ZFHX3: variants seen among roughly 807,000 people sequenced by gnomAD.
ZFHX3 encodes the protein zinc finger homeobox 3.
ZFHX3 carries 42 observed loss-of-function variants against 279.1 expected under a neutral mutation model. The ratio of observed to expected loss-of-function variants is 0.15; its 90% CI spans 0.12 to 0.19. The LOEUF (loss-of-function observed/expected upper bound fraction) is 0.19, where lower values mean the gene tolerates loss of function less well. Ranked by LOEUF, ZFHX3 falls within the 10% of genes least tolerant of loss-of-function variation. ZFHX3 has a pLI of 1.00. For missense variants in ZFHX3, 4,981 were observed against 4,754.0 expected, an observed-to-expected ratio of 1.05 and a Z score of -1.40; for synonymous variants, 2,293 against 1,957.8, an observed-to-expected ratio of 1.17 and a Z score of -4.52.
chr16:72,939,505 C>A (rs1032683093), intron 3 of ZFHX3, among the ~76,000 whole-genome samples: 2 of 152,254 alleles, frequency 1.3e-5, no homozygotes, highest in African/African-American at 2.4e-5. Context: ...TGCAGGACCA[C>A]TGCAGTGACA....
At chr16:72,874,872 T>C (rs933994780) in intron 4 of ZFHX3, among the ~76,000 whole-genome samples, 2 of 152,162 alleles carry the variant, frequency 1.3e-5, no homozygotes, top group Admixed American at 1.3e-4. Context: ...ATAACCTTTT[T>C]TTCCCCCACC....
chr16:73,235,799 C>T (rs377494294), intron 5 of ZFHX3, among the ~76,000 whole-genome samples: 17 of 151,862 alleles, frequency 1.1e-4, no homozygotes, highest in East Asian at 7.8e-4. Flanking sequence ...GCCTCCAGAG[C>T]GGCTGGGACT....
At chr16:73,535,415 T>A (rs2019882140) in intron 2 of ZFHX3, among the ~76,000 whole-genome samples, 1 of 152,198 alleles carries the variant, frequency 6.6e-6, no homozygotes, top group Admixed American at 6.5e-5. Context: ...GCACCACTGG[T>A]GAGATCTGAG....
chr16:73,186,172 T>A (rs998425547), intron 5 of ZFHX3, among the ~76,000 whole-genome samples: 27 of 152,252 alleles, frequency 1.8e-4, no homozygotes, highest in African/African-American at 6.0e-4. Flanking sequence ...ATTCATTATA[T>A]GTTACAATGT....
At chr16:72,882,981 T>TGG (rs2038525772) in intron 4 of ZFHX3, among the ~76,000 whole-genome samples, 2 of 17,676 alleles carry the variant, frequency 1.1e-4, no homozygotes, top group African/African-American at 1.8e-4. Context: ...CTCTGGGGTG[T>TGG]GTGTGTGTGT....
At chr16:73,170,257 G>A (rs981081084) in intron 5 of ZFHX3, among the ~76,000 whole-genome samples, 7 of 50,566 alleles carry the variant, frequency 1.4e-4, no homozygotes, top group African/African-American at 2.4e-4. Context: ...TTGAGACATA[G>A]CTCCACTTTG....
chr16:73,237,670 C>T (rs538119387), intron 5 of ZFHX3, among the ~76,000 whole-genome samples: 68 of 152,106 alleles, frequency 4.5e-4, no homozygotes, highest in African/African-American at 1.6e-3. Context: ...CTATGCCCAC[C>T]CGCTTCCTTG....
At chr16:73,501,620 A>T (rs2019239985) in intron 2 of ZFHX3, among the ~76,000 whole-genome samples, 2 of 152,236 alleles carry the variant, frequency 1.3e-5, no homozygotes, top group African/African-American at 4.8e-5. Flanking sequence ...CTTTCGAAGG[A>T]TCCATTACAC....
At chr16:73,457,592 G>A (rs1392870896) in intron 2 of ZFHX3, among the ~76,000 whole-genome samples, 1 of 152,112 alleles carries the variant, frequency 6.6e-6, no homozygotes, top group Non-Finnish European at 1.5e-5. Flanking sequence ...GACCAACATG[G>A]TGAAACTCTG....
chr16:73,338,100 G>C (rs963993696), intron 3 of ZFHX3, among the ~76,000 whole-genome samples: 1 of 152,142 alleles, frequency 6.6e-6, no homozygotes, highest in Admixed American at 6.5e-5. Flanking sequence ...AAACTAATTT[G>C]TTTCCTAATC....
intron 1 of ZFHX3, among the ~76,000 whole-genome samples, chr16:73,871,774 AGTT>A (rs1180484939): frequency 1.3e-5 from 2 of 152,192 alleles, no homozygotes; most frequent in Non-Finnish European, 2.9e-5. Flanking sequence ...CTCTGGTGGT[AGTT>A]GTTTCATAGT....
At chr16:73,843,876 T>C (rs554460848) in intron 1 of ZFHX3, among the ~76,000 whole-genome samples, 5 of 152,386 alleles carry the variant, frequency 3.3e-5, no homozygotes, top group African/African-American at 1.2e-4. Flanking sequence ...GGCGTGGCTG[T>C]GTTTCAATAA....
At chr16:72,815,859 C>T (rs1026436765) in intron 5 of ZFHX3, among the ~76,000 whole-genome samples, 4 of 152,180 alleles carry the variant, frequency 2.6e-5, no homozygotes, top group Non-Finnish European at 5.9e-5. Flanking sequence ...GTTAGTAACT[C>T]TAGTGGTTTG....
chr16:73,051,369 G>A (rs191007981), upstream of ZFHX3, among the ~76,000 whole-genome samples: 1 of 152,302 alleles, frequency 6.6e-6, no homozygotes, highest in Admixed American at 6.5e-5. Flanking sequence ...TAGGGGCCTG[G>A]TACCCGCTGG....
intron 4 of ZFHX3, among the ~76,000 whole-genome samples, chr16:73,306,439 C>T (rs1040754727): frequency 6.6e-6 from 1 of 152,182 alleles, no homozygotes; most frequent in Non-Finnish European, 1.5e-5. Flanking sequence ...CCTGCCTCAG[C>T]CTCCCATGTA....
intron 7 of ZFHX3, chr16:73,127,394 T>C (rs1374289824): frequency 2.3e-6 from 3 of 1,305,294 alleles, no homozygotes; most frequent in Non-Finnish European, 3.0e-6. Context: ...CTAAATATTT[T>C]TGGGGCCAGA....
chr16:72,788,325 A>C lies in ZFHX3; in HGVS notation c.9951T>G (p.Pro3317=). ...CGCCAGGGATCTGGGGAGCATAATA[A>C]GGAGAAAAGCCTGGTACAAAGTAAG... is the stretch of plus-strand genomic sequence containing the variant. The part of the protein sequence containing the change: ...FLPYFVPGFS[P]YYAPQIPGAL... The change falls in exon 10 of 10, where the codon CCT becomes CCG. Residue 3317 remains proline, a synonymous_variant. Transcript: ENST00000268489. 1 of 1,614,114 alleles carries C rather than the reference A, an allele frequency of 6.2e-7. No individual in the cohort carries two copies. Among genetic ancestry groups the C allele is most frequent in the Non-Finnish European group, 8.5e-7 (1 of 1,179,962 alleles).
At chr16:73,535,284 T>C (rs976751218) in intron 2 of ZFHX3, among the ~76,000 whole-genome samples, 4 of 152,326 alleles carry the variant, frequency 2.6e-5, no homozygotes, top group East Asian at 1.9e-4. Context: ...TTTTGAGTAA[T>C]TGTTATTTAA....
chr16:73,032,190 G>A (rs1028168946), intron 1 of ZFHX3, among the ~76,000 whole-genome samples: 7 of 152,160 alleles, frequency 4.6e-5, no homozygotes, highest in Admixed American at 2.0e-4. Flanking sequence ...CGAGCTACTC[G>A]GGTTGCGGGA....
Sources: gnomAD v4.1 joint callset for allele counts (sites outside exome capture counted in the v4.1 genomes callset) on GRCh38, gnomAD v4.1.1 for gene constraint, MANE v1.5 for transcripts, NCBI Gene and HGNC (gene_info 2026-07-23, HGNC 2026-07-21) for gene names.